Variants in MPP7 observed in about 807,000 individuals in gnomAD.
The protein encoded by MPP7 is MAGUK p55 scaffold protein 7.
Under a neutral mutation model 76.5 loss-of-function variants are expected in MPP7, and 60 were observed. The observed-to-expected ratio is 0.78, with a 90% CI of 0.64 to 0.97. MPP7 has a LOEUF of 0.97. Ranked by LOEUF, MPP7 falls within the 50% of genes least tolerant of loss-of-function variation. The probability of loss-of-function intolerance (pLI) is 0.00; values close to 1 mark genes in which losing one functional copy is unlikely to be tolerated. For missense variants in MPP7, 641 were observed against 694.0 expected (o/e 0.92, Z 0.86); for synonymous variants, 237 against 244.5 (o/e 0.97, Z 0.29).
At chr10:28,303,615 T>G (rs1841218445), upstream of MPP7, 1 of 152,240 alleles carries the variant, frequency 6.6e-6, no homozygotes. Context: ...TGACTTTTTC[T>G]TATTACCTTT....
chr10:28,263,633 A>C (rs1419979617), intron 1 of MPP7, among the ~76,000 whole-genome samples: 1 of 152,108 alleles, frequency 6.6e-6, no homozygotes, highest in African/African-American at 2.4e-5. Flanking sequence ...CCAAGCCAGG[A>C]GGAAGGGGAG....
intron 12 of MPP7, among the ~76,000 whole-genome samples, chr10:28,084,100 T>A (rs973669754): frequency 1.3e-5 from 2 of 152,118 alleles, no homozygotes; most frequent in African/African-American, 4.8e-5. Context: ...TCATAACAAA[T>A]CTGTTGATCA....
intron 3 of MPP7, among the ~76,000 whole-genome samples, chr10:28,169,667 T>C (rs972738140): frequency 5.9e-5 from 9 of 152,236 alleles, no homozygotes; most frequent in African/African-American, 2.2e-4. Context: ...GTTAAATTTT[T>C]ACCTAGCTAA....
rs543187202 is a variant in MPP7, at chr10:28,157,125, G to A, written c.157-7066C>T. On this transcript the variant is annotated intron_variant, in intron 3 of 16. Coordinates refer to ENST00000683449, the MANE Select transcript of MPP7 (RefSeq NM_001318170.2). ...CTCGGGAGGCTGAGACAGGAGAATC[G>A]CTTGAACCCGAGAGGCAGAGGTTGC... Among the ~76,000 whole-genome samples, 98 of 152,210 alleles carry A rather than the reference G, an allele frequency of 6.4e-4. 1 individual carries two copies. Among genetic ancestry groups the A allele is most frequent in the African/African-American group, 2.2e-3 (92 of 41,532 alleles).
chr10:28,277,023 C>T (rs1448144678), intron 1 of MPP7, among the ~76,000 whole-genome samples: 1 of 151,636 alleles, frequency 6.6e-6, no homozygotes, highest in African/African-American at 2.4e-5. Context: ...TGAGATGCTG[C>T]CTCTACAAAA....
chr10:28,153,193 G>GCAGTGAGCCGAGATCTCAC (rs1835940242), intron 3 of MPP7, among the ~76,000 whole-genome samples: 1 of 152,088 alleles, frequency 6.6e-6, no homozygotes, highest in Non-Finnish European at 1.5e-5. Flanking sequence ...GGCGGAGGTT[G>GCAGTGAGCCGAGATCTCAC]CAGTGAGCCG....
At chr10:28,079,093 A>G (rs776518230) in intron 12 of MPP7, among the ~76,000 whole-genome samples, 3 of 152,194 alleles carry the variant, frequency 2.0e-5, no homozygotes, top group Non-Finnish European at 4.4e-5. Context: ...GCCTCATTTC[A>G]TGTAATGTAA....
At chr10:28,161,863 G>C (rs1275973453) in intron 3 of MPP7, among the ~76,000 whole-genome samples, 1 of 152,144 alleles carries the variant, frequency 6.6e-6, no homozygotes, top group Non-Finnish European at 1.5e-5. Flanking sequence ...TGTAAAAATT[G>C]TTATGCCTTT....
intron 1 of MPP7, among the ~76,000 whole-genome samples, chr10:28,297,108 C>T (rs1413987353): frequency 6.6e-6 from 1 of 152,176 alleles, no homozygotes; most frequent in East Asian, 1.9e-4. Flanking sequence ...TCACATGTTC[C>T]ATTCCAGACC....
chr10:28,163,563 A>T (rs1014112027), intron 3 of MPP7, among the ~76,000 whole-genome samples: 1 of 152,162 alleles, frequency 6.6e-6, no homozygotes, highest in African/African-American at 2.4e-5. Context: ...CTTAGTACAT[A>T]CTCAAATATT....
At chr10:28,225,502 A>C (rs1026338840) in intron 2 of MPP7, among the ~76,000 whole-genome samples, 3 of 152,216 alleles carry the variant, frequency 2.0e-5, no homozygotes, top group African/African-American at 7.2e-5. Context: ...AAAAATGGAC[A>C]AAAAACTTCA....
At chr10:28,162,810 T>A (rs968965301) in intron 3 of MPP7, among the ~76,000 whole-genome samples, 4 of 152,170 alleles carry the variant, frequency 2.6e-5, no homozygotes, top group African/African-American at 9.7e-5. Context: ...ACACCGTGAC[T>A]TTTGTCTTGC....
chr10:28,090,879 A>G (rs1344899536), intron 11 of MPP7, among the ~76,000 whole-genome samples: 1 of 152,226 alleles, frequency 6.6e-6, no homozygotes, highest in Non-Finnish European at 1.5e-5. Context: ...ACGGTGGCTC[A>G]TGCCTATAAT....
intron 3 of MPP7, among the ~76,000 whole-genome samples, chr10:28,155,644 A>AC (rs76362146): frequency 0.12 from 18,261 of 150,608 alleles, 1,792 homozygotes; most frequent in African/African-American, 0.27. Flanking sequence ...AGAATAGGAG[A>AC]CCCTTGGGCC....
intron 2 of MPP7, among the ~76,000 whole-genome samples, chr10:28,236,188 A>G (rs1256996055): frequency 6.6e-6 from 1 of 152,230 alleles, no homozygotes; most frequent in Non-Finnish European, 1.5e-5. Flanking sequence ...ATTTGACATC[A>G]TTAAATGTGT....
At chr10:28,228,534 GGT>G (rs1838772623) in intron 2 of MPP7, among the ~76,000 whole-genome samples, 1 of 152,200 alleles carries the variant, frequency 6.6e-6, no homozygotes, top group African/African-American at 2.4e-5. Context: ...GGGAGGCCAA[GGT>G]GGGCAAATCA....
At chr10:28,144,282 T>C (rs1208074131) in intron 5 of MPP7, among the ~76,000 whole-genome samples, 1 of 152,178 alleles carries the variant, frequency 6.6e-6, no homozygotes, top group Non-Finnish European at 1.5e-5. Flanking sequence ...GGGAGTGACA[T>C]GTCACTTCCT....
intron 2 of MPP7, among the ~76,000 whole-genome samples, chr10:28,235,037 T>C (rs1385741156): frequency 6.6e-6 from 1 of 152,202 alleles, no homozygotes; most frequent in East Asian, 1.9e-4. Flanking sequence ...CTCAAACTTC[T>C]GGACTCAAGA....
intron 2 of MPP7, among the ~76,000 whole-genome samples, chr10:28,323,040 G>A (rs1249353): frequency 0.56 from 85,555 of 151,908 alleles, 25,848 homozygotes; most frequent in African/African-American, 0.8. Flanking sequence ...TAATCCCAGC[G>A]GTTTGGGAGG....
Sources: gnomAD v4.1 joint callset for allele counts (sites outside exome capture counted in the v4.1 genomes callset) on GRCh38, gnomAD v4.1.1 for gene constraint, MANE v1.5 for transcripts, NCBI Gene and HGNC (gene_info 2026-07-23, HGNC 2026-07-21) for gene names.